Variants in CDK5RAP2 observed in about 807,000 individuals in gnomAD.
CDK5RAP2 encodes the protein CDK5 regulatory subunit associated protein 2.
CDK5RAP2 carries 147 observed loss-of-function variants against 232.9 expected under a neutral mutation model. That is an observed-to-expected ratio of 0.63 (90% CI 0.55 to 0.72). CDK5RAP2 has a LOEUF of 0.72. CDK5RAP2 is among the 30% of genes least tolerant of loss of function. The pLI is 0.00. For synonymous variants in CDK5RAP2, 833 were observed against 833.7 expected (o/e 1.00, Z 0.01); for missense variants, 2,195 against 2,231.5 (o/e 0.98, Z 0.33).
intron 7 of CDK5RAP2, among the ~76,000 whole-genome samples, chr9:120,530,894 T>A (rs1165541541): frequency 1.2e-4 from 1 of 8,282 alleles, no homozygotes; most frequent in African/African-American, 1.5e-4. Flanking sequence ...CATTAGGAGA[T>A]ATACCTAATG....
Position 120,459,186 on chromosome 9 carries a change from T to C in CDK5RAP2, c.2203-564A>G, listed in dbSNP as rs1003162356. ...GCTTTGATCTTTCACATTAGGAAGA[T>C]AGAGAGTTCCTAATTCCCATGGAGA... On this transcript the variant is annotated intron_variant, in intron 19 of 37. Transcript: ENST00000349780. Among the ~76,000 whole-genome samples the C allele has an allele frequency of 9.9e-5, 15 of 152,208 alleles. 1 individual carries two copies. The highest frequency in any genetic ancestry group is 4.4e-5 in the Non-Finnish European group (3 of 68,034).
At chr9:120,408,115 A>G in intron 31 of CDK5RAP2, 1 of 556,322 alleles carries the variant, frequency 1.8e-6, no homozygotes, top group Admixed American at 2.7e-5. Flanking sequence ...GGAACAAGTG[A>G]GTGGGAACCC....
At position 120,443,630 on chromosome 9, in the gene CDK5RAP2, G is replaced by A. The variant is rs147661216; in HGVS notation, c.3138C>T (p.Ser1046=). ...DKEMDSDQQR[S]YEIDSEICPP... is the part of the protein sequence containing the mutation. The stretch of plus-strand genomic sequence containing the variant: ...GGGCTGAATTCTGACCAATCTCGTA[G>A]CTTCTTTGCTGATCACTGTCCATTT... Residue 1046 remains serine (S), a synonymous_variant, in exon 23 of 38, where the codon AGC becomes AGT. Coordinates refer to ENST00000349780, the MANE Select transcript of CDK5RAP2 (RefSeq NM_018249.6). 1.9e-6 allele frequency: 3 copies of A among 1,613,986 alleles called. No homozygotes were observed. The African/African-American group carries it at 4.0e-5, about 22-fold the overall frequency.
intron 1 of CDK5RAP2, among the ~76,000 whole-genome samples, chr9:120,575,856 C>G (rs552549444): frequency 6.6e-6 from 1 of 152,286 alleles, no homozygotes; most frequent in East Asian, 1.9e-4. Flanking sequence ...ATACATCATG[C>G]TACAACATCC....
chr9:120,563,993 T>C (rs2042553454), intron 3 of CDK5RAP2, among the ~76,000 whole-genome samples: 1 of 152,178 alleles, frequency 6.6e-6, no homozygotes, highest in African/African-American at 2.4e-5. Flanking sequence ...AGACCAGGTG[T>C]GGACAGGATA....
chr9:120,470,253 G>A (rs199940917), intron 16 of CDK5RAP2, 33 bp from the exon 17 acceptor site: 2 of 1,056,436 alleles, frequency 1.9e-6, no homozygotes, highest in East Asian at 2.5e-5. Context: ...AGGTGGGGAG[G>A]GGGAGGAGAA....
At chr9:120,489,452 C>CTT (rs2038779891) in intron 13 of CDK5RAP2, among the ~76,000 whole-genome samples, 1 of 148,206 alleles carries the variant, frequency 6.7e-6, no homozygotes, top group Admixed American at 6.6e-5. Context: ...TTTTGCCTGT[C>CTT]TTTCTGGAAC....
At chr9:120,463,844 T>C (rs185825350) in intron 18 of CDK5RAP2, among the ~76,000 whole-genome samples, 8 of 152,352 alleles carry the variant, frequency 5.3e-5, no homozygotes, top group African/African-American at 7.2e-5. Flanking sequence ...GTTATGGACA[T>C]AGAGAAACAT....
Position 120,577,032 on chromosome 9 carries a change from T to C in CDK5RAP2, c.59+2888A>G, listed in dbSNP as rs575219558. On this transcript the variant is annotated intron_variant, in intron 1 of 37. Transcript: ENST00000349780. Reference sequence around the variant, plus strand: ...CAGTCACAGAAGGACAAATAGTGTATGATTCTACTTATACGCGACACTTAG... The same window carrying C: ...CAGTCACAGAAGGACAAATAGTGTACGATTCTACTTATACGCGACACTTAG... 6.6e-5 allele frequency among the ~76,000 whole-genome samples: 10 copies of C among 152,266 alleles called. No individual in the cohort carries two copies. The South Asian group carries it at 2.1e-3, about 32-fold the overall frequency.
Position 120,394,617 on chromosome 9 carries a change from C to T in CDK5RAP2, c.5473G>A (p.Val1825Ile). 1 of 1,613,558 alleles carries T rather than the reference C, an allele frequency of 6.2e-7. No individual in the cohort carries two copies. Among genetic ancestry groups the T allele is most frequent in the Non-Finnish European group, 8.5e-7 (1 of 1,179,592 alleles). The change falls in exon 36 of 38, where the codon GTC (valine) becomes ATC (isoleucine). Residue 1825 changes from valine to isoleucine, a missense_variant. Coordinates refer to ENST00000349780, the MANE Select transcript of CDK5RAP2 (RefSeq NM_018249.6). ...AACAATTTTTTATGTAGTTTGGTGA[C>T]CTCTGCCTTCATTTCTCCAATCTAA... ...CEQIGEMKAE[V>I]TKLHKKLFEQ...
intron 11 of CDK5RAP2, among the ~76,000 whole-genome samples, chr9:120,521,644 CTT>C (rs71266575): frequency 5.6e-5 from 7 of 125,752 alleles, no homozygotes; most frequent in Admixed American, 1.6e-4. Flanking sequence ...ACCTCTTTTT[CTT>C]TTTTTTTTTT....
At chr9:120,556,165 C>T (rs754335671) in intron 3 of CDK5RAP2, among the ~76,000 whole-genome samples, 3 of 152,184 alleles carry the variant, frequency 2.0e-5, no homozygotes, top group Non-Finnish European at 4.4e-5. Flanking sequence ...TATAACCACA[C>T]ATACATACAT....
intron 12 of CDK5RAP2, among the ~76,000 whole-genome samples, chr9:120,497,462 C>T (rs1284083296): frequency 9.7e-6 from 1 of 103,448 alleles, no homozygotes; most frequent in Non-Finnish European, 2.0e-5. Context: ...AAAGAATCAT[C>T]AATGGATGCT....
rs185756733 is a variant in CDK5RAP2, at chr9:120,569,168, G to A, written c.128-780C>T. 5.3e-5 allele frequency among the ~76,000 whole-genome samples: 8 copies of A among 152,298 alleles called. No individual in the cohort carries two copies. In the East Asian group the frequency reaches 1.2e-3, roughly 22 times the overall value. On this transcript the variant is annotated intron_variant, in intron 2 of 37. Transcript: ENST00000349780. The stretch of plus-strand genomic sequence containing the variant: ...ACTGTTATCAGGCTGAATAAAGCCC[G>A]TGGCACTTTGTAGGTGTTCAGTAAA...
chr9:120,442,770 G>A (rs1202019510), intron 23 of CDK5RAP2, among the ~76,000 whole-genome samples: 5 of 152,168 alleles, frequency 3.3e-5, no homozygotes, highest in African/African-American at 1.2e-4. Context: ...AGAACACGCA[G>A]AAGCATGTGA....
At chr9:120,474,013 A>G (rs1294140383) in intron 15 of CDK5RAP2, among the ~76,000 whole-genome samples, 1 of 152,232 alleles carries the variant, frequency 6.6e-6, no homozygotes, top group Non-Finnish European at 1.5e-5. Flanking sequence ...GGCAGACAGG[A>G]GCAGAAACAA....
intron 5 of CDK5RAP2, among the ~76,000 whole-genome samples, chr9:120,542,421 C>T (rs1005922242): frequency 6.6e-6 from 1 of 151,210 alleles, no homozygotes; most frequent in African/African-American, 2.4e-5. Context: ...AGAAGAATCA[C>T]TTGAACCCGG....
chr9:120,532,583 C>T (rs2041201725), intron 7 of CDK5RAP2: 1 of 152,352 alleles, frequency 6.6e-6, no homozygotes, highest in South Asian at 2.1e-4. Flanking sequence ...GACTTAGCTT[C>T]CTAGGCAGGC....
chr9:120,521,977 G>C (rs911649222), intron 11 of CDK5RAP2, among the ~76,000 whole-genome samples: 1 of 152,028 alleles, frequency 6.6e-6, no homozygotes, highest in Non-Finnish European at 1.5e-5. Flanking sequence ...CCCAGTCTCG[G>C]GTATGTCTTT....
Sources: gnomAD v4.1 joint callset for allele counts (sites outside exome capture counted in the v4.1 genomes callset) on GRCh38, gnomAD v4.1.1 for gene constraint, MANE v1.5 for transcripts, NCBI Gene and HGNC (gene_info 2026-07-23, HGNC 2026-07-21) for gene names.